The following TMEM255B variants were observed in gnomAD, a reference collection of about 807,000 sequenced individuals.
The protein encoded by TMEM255B is transmembrane protein 255B.
TMEM255B carries 35 observed loss-of-function variants against 34.5 expected under a neutral mutation model. The ratio of observed to expected loss-of-function variants is 1.01; its 90% CI spans 0.77 to 1.34. TMEM255B has a LOEUF of 1.34. Among genes scored for constraint, TMEM255B ranks in the 40% most tolerant of loss-of-function variants. The pLI is 0.00. For synonymous variants in TMEM255B, 206 were observed against 201.2 expected, an observed-to-expected ratio of 1.02 and a Z score of -0.20; for missense variants, 432 against 433.2, an observed-to-expected ratio of 1.00 and a Z score of 0.02.
At chr13:113,810,045 C>G (rs1019068438) in intron 8 of TMEM255B, among the ~76,000 whole-genome samples, 2 of 152,200 alleles carry the variant, frequency 1.3e-5, no homozygotes, top group Admixed American at 1.3e-4. Flanking sequence ...GCCTTACCTA[C>G]ACCTGTGCAG....
At chr13:113,774,116 C>T (rs569859745) in intron 3 of TMEM255B, among the ~76,000 whole-genome samples, 44 of 151,162 alleles carry the variant, frequency 2.9e-4, no homozygotes, top group Admixed American at 7.2e-4. Context: ...TTGTCCTGTT[C>T]ACCCCCCGCC....
rs1374132404 is a variant in TMEM255B at position 113,769,399 on chromosome 13, G to A, written c.252+239G>A. ...GTTGCTGGTGTATCAACCTCACGTG[G>A]TGTGCAACCACCAATGCTGAGGCCT... On this transcript the variant is annotated intron_variant, in intron 3 of 8. Coordinates refer to ENST00000375353, the MANE Select transcript of TMEM255B (RefSeq NM_182614.4). The surrounding 1 kb of genome is among the most constrained non-coding windows in gnomAD (Gnocchi z 4.2). 6.6e-6 allele frequency among the ~76,000 whole-genome samples: 1 copy of A among 152,182 alleles called. No homozygotes were observed. Among genetic ancestry groups the A allele is most frequent in the African/African-American group, 2.4e-5 (1 of 41,442 alleles).
chr13:113,798,791 T>C (rs2050989713), intron 4 of TMEM255B, among the ~76,000 whole-genome samples: 1 of 151,994 alleles, frequency 6.6e-6, no homozygotes, highest in African/African-American at 2.4e-5. Flanking sequence ...GGATGGATGA[T>C]GGATGCATTA....
chr13:113,809,993 A>G (rs999485650), intron 8 of TMEM255B, among the ~76,000 whole-genome samples: 3 of 152,020 alleles, frequency 2.0e-5, no homozygotes, highest in African/African-American at 7.3e-5. Flanking sequence ...TGGGCTGTCA[A>G]CCTCAACATT....
intron 2 of TMEM255B, among the ~76,000 whole-genome samples, chr13:113,768,507 C>T (rs1026455508): frequency 6.6e-6 from 1 of 152,194 alleles, no homozygotes; most frequent in Non-Finnish European, 1.5e-5. Flanking sequence ...GTGCTGCAGC[C>T]CGGGGCCCCC....
chr13:113,793,535 G>A (rs527574096), intron 3 of TMEM255B, among the ~76,000 whole-genome samples: 76 of 152,350 alleles, frequency 5.0e-4, no homozygotes, highest in African/African-American at 1.4e-3. Flanking sequence ...GGACCGTGCC[G>A]GTCTGGGACC....
At chr13:113,775,778 G>T (rs1242775949) in intron 3 of TMEM255B, among the ~76,000 whole-genome samples, 1 of 152,234 alleles carries the variant, frequency 6.6e-6, no homozygotes, top group East Asian at 1.9e-4. Flanking sequence ...CACCACCGAG[G>T]CCTCTTTCCC....
intron 3 of TMEM255B, among the ~76,000 whole-genome samples, chr13:113,777,210 A>C (rs1232452501): frequency 1.1e-4 from 17 of 152,078 alleles, no homozygotes; most frequent in Non-Finnish European, 7.4e-5. Context: ...GGCATCTGTT[A>C]GAAGATGTGG....
chr13:113,773,871 C>G (rs1195344168), intron 3 of TMEM255B, among the ~76,000 whole-genome samples: 1 of 152,248 alleles, frequency 6.6e-6, no homozygotes, highest in East Asian at 1.9e-4. Context: ...TTGTTATACA[C>G]TGGTTTTAAG....
Position 113,761,772 on chromosome 13 carries a change from G to A in TMEM255B, c.46+2457G>A, listed in dbSNP as rs2050312353. On this transcript the variant is annotated intron_variant, in intron 1 of 8. Coordinates refer to ENST00000375353, the MANE Select transcript of TMEM255B (RefSeq NM_182614.4). Reference sequence around the variant, plus strand: ...AGGTGGGTGAGCAGGTGGTTCTCATGATTTCCATCCTACAGGTCAGGAGAC... The same window carrying A: ...AGGTGGGTGAGCAGGTGGTTCTCATAATTTCCATCCTACAGGTCAGGAGAC... Among the ~76,000 whole-genome samples, 3 of 152,214 alleles carry A rather than the reference G, an allele frequency of 2.0e-5. No homozygotes were observed. In the South Asian group the frequency reaches 6.2e-4, roughly 32 times the overall value.
chr13:113,777,078 T>C (rs2050591457), intron 3 of TMEM255B, among the ~76,000 whole-genome samples: 1 of 152,050 alleles, frequency 6.6e-6, no homozygotes, highest in Non-Finnish European at 1.5e-5. Context: ...TCCAACTCAT[T>C]TTCTGGCTGT....
At chr13:113,801,598 C>G (rs759991904) in intron 6 of TMEM255B, 55 bp from the exon 7 acceptor site, 2 of 1,531,212 alleles carry the variant, frequency 1.3e-6, no homozygotes, top group East Asian at 4.7e-5. Context: ...ACAAGTTTAA[C>G]TTGCGGGTGG....
At position 113,769,857 on chromosome 13, in the gene TMEM255B, G is replaced by A. The variant is rs1188554627; in HGVS notation, c.252+697G>A. On this transcript the variant is annotated intron_variant, in intron 3 of 8. Transcript: ENST00000375353. The surrounding 1 kb of genome is among the most constrained non-coding windows in gnomAD (Gnocchi z 4.2). ...AGCAGGGTTTAGAGGGGAGGTGGTTGGGCCATTTCTGCCTCATCTCCCAGT... is the reference window on the plus strand; with the variant it reads ...AGCAGGGTTTAGAGGGGAGGTGGTTAGGCCATTTCTGCCTCATCTCCCAGT... The A allele has an allele frequency of 6.6e-6, 1 of 152,430 alleles. No individual in the cohort carries two copies. The highest frequency in any genetic ancestry group is 1.5e-5 in the Non-Finnish European group (1 of 68,246). The allele number at this position is 152,430 out of a possible 1,614,324, so 9.4% of individuals were successfully genotyped here.
Position 113,812,910 on chromosome 13 carries a change from C to CAT in TMEM255B, c.*1007_*1008insAT, listed in dbSNP as rs1482113497. 4 of 92,634 alleles carry CAT rather than the reference C, an allele frequency of 4.3e-5. No individual in the cohort carries two copies. The highest frequency in any genetic ancestry group is 1.1e-4 in the African/African-American group (2 of 18,252). The allele number at this position is 92,634 out of a possible 1,614,324, so 5.7% of individuals were successfully genotyped here. A position where few individuals can be genotyped will look rare whatever the true frequency, so the allele number is the denominator to read the frequency against. On this transcript the variant is annotated 3_prime_UTR_variant, in exon 9 of 9. Coordinates refer to ENST00000375353, the MANE Select transcript of TMEM255B (RefSeq NM_182614.4). ...TCACAGGCCCCGGGTGAGTCACAGG[C>CAT]CCCGGGTGAGTCACGGGTCCCGGGT...
chr13:113,783,114 C>T (rs897461291), intron 3 of TMEM255B, among the ~76,000 whole-genome samples: 3 of 152,060 alleles, frequency 2.0e-5, no homozygotes, highest in Admixed American at 6.5e-5. Context: ...TTGACCTTCT[C>T]TAGATTCTGG....
chr13:113,786,527 A>C (rs1209386025), intron 3 of TMEM255B, among the ~76,000 whole-genome samples: 4 of 150,674 alleles, frequency 2.7e-5, no homozygotes, highest in Admixed American at 2.6e-4. Context: ...CATTGTCACC[A>C]CTGTCATCAC....
At chr13:113,794,781 C>A (rs2050890873) in intron 3 of TMEM255B, among the ~76,000 whole-genome samples, 1 of 152,224 alleles carries the variant, frequency 6.6e-6, no homozygotes, top group Non-Finnish European at 1.5e-5. Context: ...TGAAGCTGAT[C>A]CGATGACTGT....
At chr13:113,762,129 T>C (rs1214101793) in intron 1 of TMEM255B, among the ~76,000 whole-genome samples, 1 of 150,842 alleles carries the variant, frequency 6.6e-6, no homozygotes, top group Non-Finnish European at 1.5e-5. Flanking sequence ...TCAAGGAAAT[T>C]ATTCAGGTGA....
At chr13:113,761,359 C>G (rs1566716981) in intron 1 of TMEM255B, 1 of 985,128 alleles carries the variant, frequency 1.0e-6, no homozygotes, top group Non-Finnish European at 1.2e-6. Flanking sequence ...TAGGACCTGG[C>G]GTGGGCACAG....
Sources: gnomAD v4.1 joint callset for allele counts (sites outside exome capture counted in the v4.1 genomes callset) on GRCh38, gnomAD v4.1.1 for gene constraint, Gnocchi (gnomAD v3.1) non-coding constraint, MANE v1.5 for transcripts, NCBI Gene and HGNC (gene_info 2026-07-23, HGNC 2026-07-21) for gene names.